Variants in DLL1 observed in about 807,000 individuals in gnomAD.
DLL1 encodes delta like canonical Notch ligand 1.
Under a neutral mutation model 75.1 loss-of-function variants are expected in DLL1, and 9 were observed. The observed-to-expected ratio is 0.12, with a 90% CI of 0.07 to 0.21. DLL1 has a LOEUF of 0.21. Among genes scored for constraint, DLL1 ranks in the 10% least tolerant of loss-of-function variants. The pLI, the probability that DLL1 is intolerant of heterozygous loss-of-function variation, is 1.00. For synonymous variants in DLL1, 477 were observed against 418.3 expected (o/e 1.14, Z -1.71); for missense variants, 837 against 1,007.6 (o/e 0.83, Z 2.29).
Position 170,290,290 on chromosome 6 carries a change from T to A in DLL1, c.-151A>T. 3 of 783,638 alleles carry A rather than the reference T, an allele frequency of 3.8e-6. No individual in the cohort carries two copies. The highest frequency in any genetic ancestry group is 5.5e-6 in the Non-Finnish European group (3 of 542,786). 48.5% of individuals were successfully genotyped at this position (783,638 alleles called of 1,614,324 possible). A position where few individuals can be genotyped will look rare whatever the true frequency, so the allele number is the denominator to read the frequency against. Reference sequence around the variant, plus strand: ...CCGCAGGACCCAGGACTTCTTTCTTTAAAAGCCGGTCTCCGCCTCTTCCCA... The same window carrying A: ...CCGCAGGACCCAGGACTTCTTTCTTAAAAAGCCGGTCTCCGCCTCTTCCCA... On this transcript the variant is annotated 5_prime_UTR_variant, in exon 1 of 11. Coordinates refer to ENST00000366756, the MANE Select transcript of DLL1 (RefSeq NM_005618.4). The surrounding 1 kb of genome is among the most constrained non-coding windows in gnomAD (Gnocchi z 4.7).
chr6:170,290,911 G>A lies in DLL1; in HGVS notation c.-772C>T. On this transcript the variant is annotated 5_prime_UTR_variant, in exon 1 of 11. Coordinates refer to ENST00000366756, the MANE Select transcript of DLL1 (RefSeq NM_005618.4). The surrounding 1 kb of genome is among the most constrained non-coding windows in gnomAD (Gnocchi z 4.7). ...CCCTCGGCCGGGTCGGGTCTCCGCG[G>A]GTGCGCGCAGAGGATCTGGCTCTCG... 1 of 695,924 alleles carries A rather than the reference G, an allele frequency of 1.4e-6. No homozygotes were observed. The highest frequency in any genetic ancestry group is 1.5e-5 in the South Asian group (1 of 67,320). 43.1% of individuals were successfully genotyped at this position (695,924 alleles called of 1,614,324 possible).
intron 3 of DLL1, 54 bp downstream of exon 3, chr6:170,288,675 G>A: frequency 1.2e-6 from 2 of 1,611,974 alleles, no homozygotes; most frequent in Non-Finnish European, 1.7e-6. Context: ...GGTGGGCAAA[G>A]TCCAATGCTA....
intron 1 of DLL1, 116 bp downstream of exon 1, chr6:170,289,970 G>A (rs943634102): frequency 2.3e-6 from 3 of 1,332,338 alleles, no homozygotes; most frequent in Admixed American, 4.0e-5. Context: ...TTCATCTTCC[G>A]GGCCGTGGCT....
Position 170,289,558 on chromosome 6 carries a change from G to T in DLL1, c.305C>A (p.Ser102Tyr). ...GAAGCGGATGGGGTTGCTGAACGCG[G>T]AGTCGGCGCCCCCGCCGTCGGGCAG... Reference protein sequence around the residue: ...FSLPDGGGADSAFSNPIRFPF... With the variant: ...FSLPDGGGADYAFSNPIRFPF... The change falls in exon 2 of 11, where the codon TCC becomes TAC. Residue 102 changes from serine to tyrosine, a missense_variant. Ser to Tyr is a moderately radical substitution (Grantham distance 144). Coordinates refer to ENST00000366756, the MANE Select transcript of DLL1 (RefSeq NM_005618.4). 1 of 1,535,194 alleles carries T rather than the reference G, an allele frequency of 6.5e-7. No individual in the cohort carries two copies. The highest frequency in any genetic ancestry group is 1.2e-5 in the South Asian group (1 of 84,050).
Position 170,283,930 on chromosome 6 carries a change from G to A in DLL1, c.1349C>T (p.Ser450Phe). The A allele has an allele frequency of 1.3e-6, 2 of 1,598,188 alleles. No individual in the cohort carries two copies. Among genetic ancestry groups the A allele is most frequent in the Non-Finnish European group, 1.7e-6 (2 of 1,175,580 alleles). The change falls in exon 9 of 11, where the codon TCC (serine) becomes TTC (phenylalanine). Residue 450 changes from serine to phenylalanine, a missense_variant. Coordinates refer to ENST00000366756, the MANE Select transcript of DLL1 (RefSeq NM_005618.4). ...GCAGGTGCCCCCGTTGGCGCACGGG[G>A]AGGAGGCGCAGTCGTCCACGTTGTC... The part of the protein sequence containing the change: ...CDDNVDDCAS[S>F]PCANGGTCRD...
chr6:170,285,555 G>A lies in DLL1; in HGVS notation c.862+14C>T. On this transcript the variant is annotated intron_variant, in intron 6 of 10. Transcript: ENST00000366756. The stretch of plus-strand genomic sequence containing the variant: ...TCTGGAGGGAGCAGGCTGCCTCAGG[G>A]AGAGAAGGCTTACCCTGGTTGCAGA... 1 of 1,614,186 alleles carries A rather than the reference G, an allele frequency of 6.2e-7. No homozygotes were observed. The highest frequency in any genetic ancestry group is 8.5e-7 in the Non-Finnish European group (1 of 1,180,022).
In DLL1 at chr6:170,290,366, G is replaced by C. The variant is rs1194729883; in HGVS notation, c.-227C>G. 2.3e-6 allele frequency: 1 copy of C among 435,640 alleles called. No individual in the cohort carries two copies. The highest frequency in any genetic ancestry group is 4.0e-6 in the Non-Finnish European group (1 of 252,168). The allele number at this position is 435,640 out of a possible 1,614,324, so 27.0% of individuals were successfully genotyped here. A position where few individuals can be genotyped will look rare whatever the true frequency, so the allele number is the denominator to read the frequency against. On this transcript the variant is annotated 5_prime_UTR_variant, in exon 1 of 11. In the 5' UTR this introduces an upstream ATG that the reference lacks. Transcript: ENST00000366756. This position sits in a 1 kb window ranked among gnomAD's most constrained non-coding sequence, Gnocchi z 4.7. The stretch of plus-strand genomic sequence containing the variant: ...TGCGAGGTCCCGCGGCAGCCCCAGG[G>C]ATGCCCGAGGAAAGGCAGCTCTCGG...
Position 170,283,077 on chromosome 6 carries a change from C to G in DLL1, c.2077G>C (p.Asp693His). 1.2e-6 allele frequency: 2 copies of G among 1,614,092 alleles called. No homozygotes were observed. The highest frequency in any genetic ancestry group is 1.7e-6 in the Non-Finnish European group (2 of 1,180,036). Residue 693 changes from aspartate (D) to histidine (H), a missense_variant, in exon 10 of 11, where the codon GAC (aspartate) becomes CAC (histidine). Transcript: ENST00000366756. Reference sequence around the variant, plus strand: ...TCTTTTGAAGTTGAACAGCCCGAGTCCGGCCTTTTTCTTTCAGATGCTTCT... The same window carrying G: ...TCTTTTGAAGTTGAACAGCCCGAGTGCGGCCTTTTTCTTTCAGATGCTTCT... ...GGEASERKRPDSGCSTSKDTK... is the reference protein window; with the variant it reads ...GGEASERKRPHSGCSTSKDTK...
At chr6:170,288,662 A>T in intron 3 of DLL1, 67 bp downstream of exon 3, 1 of 1,609,488 alleles carries the variant, frequency 6.2e-7, no homozygotes, top group Non-Finnish European at 8.5e-7. Flanking sequence ...TGGCTGGGGG[A>T]TGGGTGGGCA....
intron 3 of DLL1, 94 bp from the exon 4 acceptor site, chr6:170,288,590 A>C: frequency 6.2e-7 from 1 of 1,611,506 alleles, no homozygotes; most frequent in Non-Finnish European, 8.5e-7. Flanking sequence ...CACGGGAAGG[A>C]GGCCCAAGCT....
chr6:170,285,788 C>T (rs1162700612), intron 5 of DLL1, 89 bp from the exon 6 acceptor site: 1 of 1,564,070 alleles, frequency 6.4e-7, no homozygotes, highest in Non-Finnish European at 8.8e-7. Context: ...CTTCCCGCAG[C>T]ACCAGTGAGC....
chr6:170,287,420 G>A (rs11962315), intron 4 of DLL1, among the ~76,000 whole-genome samples: 1,833 of 152,310 alleles, frequency 0.012, 35 homozygotes, highest in African/African-American at 0.041. Flanking sequence ...GTACCAATGG[G>A]CTGGGACGGC....
At position 170,283,076 on chromosome 6, in the gene DLL1, T is replaced by C. The variant is rs1433228478; in HGVS notation, c.2078A>G (p.Asp693Gly). The C allele has an allele frequency of 1.2e-6, 2 of 1,613,872 alleles. No homozygotes were observed. The highest frequency in any genetic ancestry group is 1.7e-5 in the Admixed American group (1 of 60,002). Residue 693 changes from aspartate (D) to glycine (G), a missense_variant, in exon 10 of 11, where the codon GAC becomes GGC. Around this residue, in one of 2 missense-constraint regions of DLL1, gnomAD observed 533 missense variants for 545.7 expected, o/e 0.98. Transcript: ENST00000366756. ...GGEASERKRP[D>G]SGCSTSKDTK... ...GTCTTTTGAAGTTGAACAGCCCGAGTCCGGCCTTTTTCTTTCAGATGCTTC... is the reference window on the plus strand; with the variant it reads ...GTCTTTTGAAGTTGAACAGCCCGAGCCCGGCCTTTTTCTTTCAGATGCTTC...
chr6:170,288,563 T>C, intron 3 of DLL1, 67 bp from the exon 4 acceptor site: 2 of 1,613,568 alleles, frequency 1.2e-6, no homozygotes, highest in Non-Finnish European at 1.7e-6. Context: ...AGAGCGGGGG[T>C]GGGCCGAGAC....
In DLL1 at chr6:170,283,557, C is replaced by G; in HGVS notation, c.1722G>C (p.Gln574His). The change falls in exon 9 of 11, where the codon CAG (glutamine) becomes CAC (histidine). Residue 574 changes from glutamine to histidine, a missense_variant. Coordinates refer to ENST00000366756, the MANE Select transcript of DLL1 (RefSeq NM_005618.4). ...AGGGGTCGGCTGGGGGCCGGTGCTT[C>G]TGCAGCCTCAGCCGGACGCAGACCA... Reference protein sequence around the residue: ...AVVVCVRLRLQKHRPPADPCR... With the variant: ...AVVVCVRLRLHKHRPPADPCR... 6.2e-7 allele frequency: 1 copy of G among 1,613,668 alleles called. No homozygotes were observed. The highest frequency in any genetic ancestry group is 1.6e-4 in the Middle Eastern group (1 of 6,062).
chr6:170,282,955 G>A (rs1190792298), intron 10 of DLL1, 33 bp downstream of exon 10: 52 of 1,613,870 alleles, frequency 3.2e-5, no homozygotes, highest in African/African-American at 9.3e-5. Context: ...CTCCCATGCC[G>A]AGGAGGAGGG....
In DLL1 at chr6:170,283,508, T is replaced by C. The variant is rs1205153773; in HGVS notation, c.1771A>G (p.Asn591Asp). The change falls in exon 9 of 11, where the codon AAC becomes GAC. Residue 591 changes from asparagine to aspartate, a missense_variant. Physicochemically the swap from Asn to Asp is conservative, Grantham distance 23. Around this residue, in one of 2 missense-constraint regions of DLL1, gnomAD observed 533 missense variants for 545.7 expected, o/e 0.98. Coordinates refer to ENST00000366756, the MANE Select transcript of DLL1 (RefSeq NM_005618.4). ...DPCRGETETM[N>D]NLANCQREKD... ...TCACGCTGGCAGTTGGCCAGGTTGT[T>C]CATGGTCTCCGTCTCCCCCCGGCAG... The C allele has an allele frequency of 6.2e-7, 1 of 1,613,656 alleles. No homozygotes were observed. Among genetic ancestry groups the C allele is most frequent in the Non-Finnish European group, 8.5e-7 (1 of 1,180,042 alleles).
chr6:170,289,105 C>T lies in DLL1; in HGVS notation c.352-316G>A, dbSNP rs1783778078. The T allele has an allele frequency of 1.4e-5, 8 of 579,992 alleles. No individual in the cohort carries two copies. The Admixed American group carries it at 1.5e-4, about 11-fold the overall frequency. 35.9% of individuals were successfully genotyped at this position (579,992 alleles called of 1,614,324 possible). On this transcript the variant is annotated intron_variant, in intron 2 of 10. Transcript: ENST00000366756. Reference sequence around the variant, plus strand: ...GTGGAAGAGGCCCGAGGGCCCTTGTCATTTTTCTTGGGGGATGGGCACGCT... The same window carrying T: ...GTGGAAGAGGCCCGAGGGCCCTTGTTATTTTTCTTGGGGGATGGGCACGCT...
At chr6:170,286,203 G>T in intron 5 of DLL1, 35 bp downstream of exon 5, 2 of 1,613,526 alleles carry the variant, frequency 1.2e-6, no homozygotes, top group Non-Finnish European at 8.5e-7. Flanking sequence ...ACAAGAAAAG[G>T]CAACAAAACA....
Sources: gnomAD v4.1 joint callset for allele counts (sites outside exome capture counted in the v4.1 genomes callset) on GRCh38, gnomAD v4.1.1 for gene constraint, gnomAD v4.1.1 regional missense constraint, Gnocchi (gnomAD v3.1) non-coding constraint, MANE v1.5 for transcripts, NCBI Gene and HGNC (gene_info 2026-07-23, HGNC 2026-07-21) for gene names.